Variants in RBFOX1 observed in about 807,000 individuals in gnomAD.
RBFOX1 encodes the protein RNA binding protein fox-1 homolog 1.
Under a neutral mutation model 57.7 loss-of-function variants are expected in RBFOX1, and 8 were observed. That is an observed-to-expected ratio of 0.14 (90% CI 0.08 to 0.25). The LOEUF is 0.25. RBFOX1 is among the 10% of genes least tolerant of loss of function. The probability of loss-of-function intolerance (pLI) is 1.00; values close to 1 mark genes in which losing one functional copy is unlikely to be tolerated. For synonymous variants in RBFOX1, 326 were observed against 222.4 expected (o/e 1.47, Z -4.15); for missense variants, 611 against 548.5 (o/e 1.11, Z -1.14).
intron 3 of RBFOX1, among the ~76,000 whole-genome samples, chr16:6,843,271 G>A (rs1477667793): frequency 6.6e-6 from 1 of 152,008 alleles, no homozygotes; most frequent in Non-Finnish European, 1.5e-5. Context: ...TATCAAGTTA[G>A]CCAAGGAAGG....
intron 4 of RBFOX1, among the ~76,000 whole-genome samples, chr16:7,397,479 A>G (rs1180952396): frequency 1.1e-4 from 16 of 152,176 alleles, no homozygotes; most frequent in Admixed American, 1.0e-3. Context: ...GAGTAGAAAC[A>G]TAGATCCACA....
chr16:5,323,710 G>A (rs947247534), intron 1 of RBFOX1, among the ~76,000 whole-genome samples: 1 of 152,220 alleles, frequency 6.6e-6, no homozygotes, highest in African/African-American at 2.4e-5. Context: ...CAGCTGATGA[G>A]CTCTGGCATT....
At chr16:6,797,972 G>C (rs1603625994) in intron 3 of RBFOX1, among the ~76,000 whole-genome samples, 1 of 152,162 alleles carries the variant, frequency 6.6e-6, no homozygotes, top group Non-Finnish European at 1.5e-5. Flanking sequence ...TCACGGTGAT[G>C]GTGATAGCGG....
At chr16:6,732,815 T>C (rs1158248001) in intron 3 of RBFOX1, among the ~76,000 whole-genome samples, 3 of 152,228 alleles carry the variant, frequency 2.0e-5, no homozygotes, top group African/African-American at 7.2e-5. Flanking sequence ...TGGAGTTTTT[T>C]TGTTCATGTT....
intron 3 of RBFOX1, among the ~76,000 whole-genome samples, chr16:7,002,353 C>T (rs2092897239): frequency 6.6e-6 from 1 of 152,330 alleles, no homozygotes. Context: ...CATGTGTTTA[C>T]ACATGAAATT....
intron 1 of RBFOX1, among the ~76,000 whole-genome samples, chr16:6,186,558 C>A (rs758282206): frequency 6.6e-6 from 1 of 152,084 alleles, no homozygotes. Context: ...GGGAAAAGAA[C>A]TGGACATTGC....
chr16:7,526,815 C>G (rs1011686883), intron 5 of RBFOX1, among the ~76,000 whole-genome samples: 9 of 152,180 alleles, frequency 5.9e-5, no homozygotes, highest in Non-Finnish European at 1.0e-4. Flanking sequence ...GAAGCAGAAT[C>G]TAAGGCAAAT....
At chr16:6,863,754 C>T (rs1319458961) in intron 3 of RBFOX1, among the ~76,000 whole-genome samples, 7 of 36,232 alleles carry the variant, frequency 1.9e-4, no homozygotes, top group African/African-American at 3.1e-4. Context: ...TTTTTTTTTA[C>T]CAAAACCAAA....
chr16:5,956,869 C>T (rs2059654630), intron 4 of RBFOX1, among the ~76,000 whole-genome samples: 1 of 150,450 alleles, frequency 6.6e-6, no homozygotes, highest in East Asian at 2.0e-4. Flanking sequence ...TGGGGTTTCG[C>T]CATTTTGGCC....
At chr16:6,529,546 C>G (rs907968975) in intron 2 of RBFOX1, among the ~76,000 whole-genome samples, 7 of 149,348 alleles carry the variant, frequency 4.7e-5, no homozygotes, top group Non-Finnish European at 8.9e-5. Context: ...GTGACAGAGA[C>G]TCCATCTCAA....
At chr16:6,110,202 T>TTC (rs913126332) in intron 1 of RBFOX1, among the ~76,000 whole-genome samples, 3 of 150,468 alleles carry the variant, frequency 2.0e-5, no homozygotes, top group African/African-American at 7.3e-5. Context: ...CTTCTTTTTT[T>TTC]TTTTTTTTTA....
intron 3 of RBFOX1, among the ~76,000 whole-genome samples, chr16:5,779,748 C>T (rs550191795): frequency 6.6e-6 from 1 of 152,194 alleles, no homozygotes; most frequent in Non-Finnish European, 1.5e-5. Flanking sequence ...TTGGCCTTGG[C>T]TGCAGAATAC....
chr16:7,003,923 C>A (rs1198376588), intron 3 of RBFOX1: 1 of 150,730 alleles, frequency 6.6e-6, no homozygotes, highest in Non-Finnish European at 1.5e-5. Flanking sequence ...ATTAGGAGAA[C>A]TGTCAATAAA....
intron 4 of RBFOX1, among the ~76,000 whole-genome samples, chr16:7,149,077 C>G (rs2075612470): frequency 6.6e-6 from 1 of 152,140 alleles, no homozygotes; most frequent in African/African-American, 2.4e-5. Flanking sequence ...TAAAACATTT[C>G]CTTTCTCACA....
rs28566908 is a variant in RBFOX1 at position 6,953,171 on chromosome 16, A to C, written c.-15-98886A>C. ...TTCCACTGAAGGAAAAATAACCATG[A>C]TCATTCCCTTATATTTTGCTAAGCT... On this transcript the variant is annotated intron_variant, in intron 3 of 15. Coordinates refer to ENST00000550418, the MANE Select transcript of RBFOX1 (RefSeq NM_018723.4). Among the ~76,000 whole-genome samples the C allele has an allele frequency of 9.6e-3, 1,456 of 152,154 alleles. 17 individuals are homozygous for C. The highest frequency in any genetic ancestry group is 0.033 in the African/African-American group (1,363 of 41,498).
intron 1 of RBFOX1, among the ~76,000 whole-genome samples, chr16:6,310,105 C>G (rs975629843): frequency 1.3e-5 from 2 of 152,166 alleles, no homozygotes; most frequent in African/African-American, 4.8e-5. Context: ...TCAGGCTGGT[C>G]TCGAACTTCT....
chr16:7,045,574 G>A (rs140145971), intron 3 of RBFOX1, among the ~76,000 whole-genome samples: 27 of 152,210 alleles, frequency 1.8e-4, no homozygotes, highest in African/African-American at 3.1e-4. Flanking sequence ...CTTCAGTGTC[G>A]TCATTGTGCT....
intron 3 of RBFOX1, among the ~76,000 whole-genome samples, chr16:6,914,118 T>C (rs969898148): frequency 6.6e-5 from 10 of 152,210 alleles, no homozygotes; most frequent in African/African-American, 2.4e-4. Context: ...GAATGATACC[T>C]CTGCATGCTG....
At chr16:5,671,357 T>C (rs963722898) in intron 3 of RBFOX1, among the ~76,000 whole-genome samples, 1 of 152,110 alleles carries the variant, frequency 6.6e-6, no homozygotes, top group Non-Finnish European at 1.5e-5. Context: ...CAGAGAGGGA[T>C]GCTCCATTAT....
Sources: gnomAD v4.1 joint callset for allele counts (sites outside exome capture counted in the v4.1 genomes callset) on GRCh38, gnomAD v4.1.1 for gene constraint, MANE v1.5 for transcripts, NCBI Gene and HGNC (gene_info 2026-07-23, HGNC 2026-07-21) for gene names.